Variants in PPARGC1A observed in about 807,000 individuals in gnomAD.
The protein encoded by PPARGC1A is peroxisome proliferator-activated receptor gamma coactivator 1-alpha.
Under a neutral mutation model 88.7 loss-of-function variants are expected in PPARGC1A, and 25 were observed. The ratio of observed to expected loss-of-function variants is 0.28; its 90% CI spans 0.21 to 0.39. The LOEUF (loss-of-function observed/expected upper bound fraction) is 0.39, where lower values mean the gene tolerates loss of function less well. PPARGC1A is among the 10% of genes least tolerant of loss of function. The pLI, the probability that PPARGC1A is intolerant of heterozygous loss-of-function variation, is 1.00. For missense variants in PPARGC1A, 880 were observed against 968.7 expected (o/e 0.91, Z 1.22); for synonymous variants, 363 against 355.6 (o/e 1.02, Z -0.24).
the PPARGC1A span, among the ~76,000 whole-genome samples, chr4:24,439,095 AC>A: frequency 1.3e-5 from 2 of 151,890 alleles, no homozygotes; most frequent in East Asian, 3.9e-4. Context: ...CAGCTTTGCG[AC>A]CCCCTGGGTA....
the PPARGC1A span, among the ~76,000 whole-genome samples, chr4:24,378,551 C>T: frequency 1.3e-5 from 2 of 152,002 alleles, no homozygotes; most frequent in South Asian, 4.2e-4. Context: ...ACGGATAACA[C>T]TAAAATACTC....
At chr4:24,276,300 T>C in the PPARGC1A span, among the ~76,000 whole-genome samples, 3 of 152,180 alleles carry the variant, frequency 2.0e-5, no homozygotes, top group Non-Finnish European at 2.9e-5. Flanking sequence ...GAACTATGAC[T>C]CAAAGCTCCA....
the PPARGC1A span, among the ~76,000 whole-genome samples, chr4:24,320,657 C>G: frequency 6.6e-6 from 1 of 151,942 alleles, no homozygotes; most frequent in East Asian, 1.9e-4. Flanking sequence ...ATTTTGATGC[C>G]GAAGCCAGTA....
At chr4:24,358,119 T>C in the PPARGC1A span, among the ~76,000 whole-genome samples, 1 of 152,192 alleles carries the variant, frequency 6.6e-6, no homozygotes, top group South Asian at 2.1e-4. Context: ...GCAGGTGTTA[T>C]TATCTCCATT....
chr4:23,950,055 A>C, the PPARGC1A span, among the ~76,000 whole-genome samples: 2 of 152,176 alleles, frequency 1.3e-5, no homozygotes, highest in African/African-American at 4.8e-5. Context: ...GCACTTGGGC[A>C]CTTAGAAAGG....
chr4:23,910,327 A>AACCC, the PPARGC1A span, among the ~76,000 whole-genome samples: 212 of 56,490 alleles, frequency 3.8e-3, 5 homozygotes, highest in Non-Finnish European at 4.9e-3. Context: ...TATATATATT[A>AACCC]TATATTATAT....
At chr4:24,440,835 T>C in the PPARGC1A span, among the ~76,000 whole-genome samples, 1 of 151,786 alleles carries the variant, frequency 6.6e-6, no homozygotes, top group African/African-American at 2.4e-5. Flanking sequence ...AAAAAACAAC[T>C]CTTATTTAAT....
the PPARGC1A span, among the ~76,000 whole-genome samples, chr4:24,044,767 G>C: frequency 1.3e-5 from 2 of 152,152 alleles, no homozygotes; most frequent in African/African-American, 4.8e-5. Context: ...TGGTCACTGG[G>C]AAGCACACTG....
chr4:24,403,504 C>T, the PPARGC1A span, among the ~76,000 whole-genome samples: 1 of 152,198 alleles, frequency 6.6e-6, no homozygotes, highest in Non-Finnish European at 1.5e-5. Flanking sequence ...TATGCAAAGG[C>T]CACCCAGCAC....
chr4:23,976,179 G>A, the PPARGC1A span, among the ~76,000 whole-genome samples: 1 of 152,194 alleles, frequency 6.6e-6, no homozygotes. Context: ...AAACTATAAT[G>A]TGGGGCAGGA....
chr4:24,227,979 T>C, the PPARGC1A span, among the ~76,000 whole-genome samples: 6 of 152,294 alleles, frequency 3.9e-5, no homozygotes, highest in Non-Finnish European at 5.9e-5. Flanking sequence ...CATCCGATTA[T>C]AGTGGAGGAA....
At chr4:23,904,613 G>C (rs1303759266), upstream of PPARGC1A, among the ~76,000 whole-genome samples, 2 of 152,052 alleles carry the variant, frequency 1.3e-5, no homozygotes, top group African/African-American at 4.8e-5. Flanking sequence ...AAACTTTACT[G>C]GATTATTTCA....
chr4:24,468,490 T>C, the PPARGC1A span, among the ~76,000 whole-genome samples: 2 of 152,078 alleles, frequency 1.3e-5, no homozygotes, highest in Non-Finnish European at 2.9e-5. Flanking sequence ...GTGCAAAATA[T>C]CTGCAACATG....
At chr4:23,926,785 C>T in the PPARGC1A span, among the ~76,000 whole-genome samples, 4 of 152,214 alleles carry the variant, frequency 2.6e-5, no homozygotes, top group Non-Finnish European at 4.4e-5. Flanking sequence ...AGTCCTTCTG[C>T]TCATGGCTCC....
At chr4:23,867,299 T>C (rs1326721985) in intron 2 of PPARGC1A, among the ~76,000 whole-genome samples, 1 of 152,236 alleles carries the variant, frequency 6.6e-6, no homozygotes, top group Non-Finnish European at 1.5e-5. Context: ...AAATTCTGTG[T>C]CGTAGGCATT....
chr4:24,223,581 T>C, the PPARGC1A span, among the ~76,000 whole-genome samples: 1 of 152,200 alleles, frequency 6.6e-6, no homozygotes, highest in Non-Finnish European at 1.5e-5. Context: ...ATTTCTGAAG[T>C]TAGACTACAT....
chr4:24,273,648 C>T, the PPARGC1A span, among the ~76,000 whole-genome samples: 4 of 151,850 alleles, frequency 2.6e-5, no homozygotes, highest in African/African-American at 9.7e-5. Flanking sequence ...GCCCAGGTCT[C>T]ACCTGCCCAG....
chr4:23,989,798 T>C, the PPARGC1A span, among the ~76,000 whole-genome samples: 1 of 151,710 alleles, frequency 6.6e-6, no homozygotes, highest in Non-Finnish European at 1.5e-5. Context: ...AAATATTTTG[T>C]TCTCAGGCTA....
At chr4:24,146,132 CA>C in the PPARGC1A span, among the ~76,000 whole-genome samples, 1 of 152,190 alleles carries the variant, frequency 6.6e-6, no homozygotes. Context: ...CAAGATGAGA[CA>C]CATTGTGTCA....
Sources: allele counts gnomAD v4.1 joint callset (sites outside exome capture counted in the v4.1 genomes callset), GRCh38; gene constraint gnomAD v4.1.1; transcripts MANE v1.5; gene names NCBI Gene and HGNC (gene_info 2026-07-23, HGNC 2026-07-21).